Variants in ANO2 observed in about 807,000 individuals in gnomAD.
ANO2 encodes anoctamin 2.
In ANO2, 101 loss-of-function variants were observed where a neutral mutation model predicts 124.2. That is an observed-to-expected ratio of 0.81 (90% CI 0.69 to 0.96). The LOEUF (loss-of-function observed/expected upper bound fraction) is 0.96. Among genes scored for constraint, ANO2 ranks in the 40% least tolerant of loss-of-function variants. ANO2 has a pLI of 0.00. For synonymous variants in ANO2, 486 were observed against 482.5 expected, an observed-to-expected ratio of 1.01 and a Z score of -0.09; for missense variants, 1,293 against 1,274.5, an observed-to-expected ratio of 1.01 and a Z score of -0.22.
chr12:5,863,823 A>G (rs541322496), intron 3 of ANO2, among the ~76,000 whole-genome samples: 48 of 152,290 alleles, frequency 3.2e-4, no homozygotes, highest in African/African-American at 1.1e-3. Flanking sequence ...ATTTTTAATT[A>G]TAATGTTTTA....
At chr12:5,877,216 A>C (rs1938167396) in intron 3 of ANO2, among the ~76,000 whole-genome samples, 3 of 152,302 alleles carry the variant, frequency 2.0e-5, no homozygotes, top group African/African-American at 7.2e-5. Context: ...AGTAGAGGAA[A>C]GGATACACAG....
chr12:5,851,608 C>T (rs1182002967), intron 4 of ANO2, among the ~76,000 whole-genome samples: 1 of 150,908 alleles, frequency 6.6e-6, no homozygotes, highest in Non-Finnish European at 1.5e-5. Context: ...TTGCTTGAAC[C>T]TGGGGGACGG....
intron 9 of ANO2, among the ~76,000 whole-genome samples, chr12:5,799,856 C>T (rs1447277634): frequency 1.3e-5 from 2 of 152,172 alleles, no homozygotes; most frequent in Admixed American, 6.5e-5. Flanking sequence ...CAAAATGAGC[C>T]CTAATGTTCA....
chr12:5,784,903 T>C (rs1275170092), intron 10 of ANO2, among the ~76,000 whole-genome samples: 1 of 152,210 alleles, frequency 6.6e-6, no homozygotes, highest in Non-Finnish European at 1.5e-5. Context: ...AGTTTGCTCA[T>C]TGCTTGAAGT....
chr12:5,742,564 T>C (rs540177276), intron 12 of ANO2, among the ~76,000 whole-genome samples: 5 of 152,128 alleles, frequency 3.3e-5, no homozygotes, highest in Non-Finnish European at 5.9e-5. Context: ...GAGGCAGTTG[T>C]TGAAACTTGA....
chr12:5,716,226 G>A (rs974587032), intron 14 of ANO2, among the ~76,000 whole-genome samples: 1 of 152,126 alleles, frequency 6.6e-6, no homozygotes, highest in Non-Finnish European at 1.5e-5. Flanking sequence ...ATGGTCTAGG[G>A]GGCAGGTGAT....
intron 10 of ANO2, among the ~76,000 whole-genome samples, chr12:5,796,971 G>A (rs772720120): frequency 5.9e-5 from 9 of 152,200 alleles, no homozygotes; most frequent in Non-Finnish European, 1.0e-4. Context: ...CAGAAGCTTG[G>A]CGCTAAAAAT....
chr12:5,751,022 T>G, intron 10 of ANO2, 52 bp from the exon 11 acceptor site: 1 of 1,502,464 alleles, frequency 6.7e-7, no homozygotes, highest in Non-Finnish European at 9.0e-7. Flanking sequence ...ATCATATACT[T>G]TCCTTATTTC....
chr12:5,616,834 A>C (rs1259959075), intron 16 of ANO2, among the ~76,000 whole-genome samples: 1 of 152,072 alleles, frequency 6.6e-6, no homozygotes, highest in Non-Finnish European at 1.5e-5. Flanking sequence ...TCCAGATCAG[A>C]CTGTACAACA....
At chr12:5,607,594 CAGCAGCAGGTG>C (rs966645843) in intron 19 of ANO2, among the ~76,000 whole-genome samples, 3 of 152,162 alleles carry the variant, frequency 2.0e-5, no homozygotes, top group Non-Finnish European at 2.9e-5. Context: ...CCGGGCCACA[CAGCAGCAGGTG>C]AGCAGCAGGT....
In ANO2 at chr12:5,732,852, A is replaced by G. The variant is rs139266610; in HGVS notation, c.1435-222T>C. The G allele has an allele frequency of 1.0e-4, 168 of 1,613,964 alleles. 1 individual carries two copies. The East Asian group carries it at 3.2e-3, about 31-fold the overall frequency. ...AGGGACACACAACACTCGTTATCAC[A>G]CTGAAAACCAAACCTGGGCACGTTC... On this transcript the variant is annotated intron_variant, in intron 13 of 24. Transcript: ENST00000682330.
intron 3 of ANO2, among the ~76,000 whole-genome samples, chr12:5,897,905 C>A (rs12297684): frequency 0.11 from 16,403 of 151,706 alleles, 2,025 homozygotes; most frequent in African/African-American, 0.3. Flanking sequence ...AATAAAATGA[C>A]GTAAAATAAA....
chr12:5,827,844 T>C (rs1429884041), intron 6 of ANO2, 24 bp from the exon 7 acceptor site: 2 of 1,603,402 alleles, frequency 1.2e-6, no homozygotes, highest in Middle Eastern at 1.6e-4. Context: ...ACAGCAGAGC[T>C]GTGAGCTCCT....
At chr12:5,844,029 G>A (rs1954606744) in intron 4 of ANO2, among the ~76,000 whole-genome samples, 1 of 152,186 alleles carries the variant, frequency 6.6e-6, no homozygotes, top group Non-Finnish European at 1.5e-5. Context: ...TCCGGAAAAG[G>A]TAATATCAGC....
chr12:5,801,810 C>T (rs1953049732), intron 9 of ANO2, among the ~76,000 whole-genome samples: 1 of 152,196 alleles, frequency 6.6e-6, no homozygotes, highest in African/African-American at 2.4e-5. Flanking sequence ...CAGTGGCTAA[C>T]CTAATCTTAT....
rs945324447 is a variant in ANO2, at chr12:5,882,643, G to C, written c.535-28502C>G. Reference sequence around the variant, plus strand: ...CCAAGCTTTGGAGGAAACGTCAAAGGTGGGAGAGGCATCAGCTGGGGTGGT... The same window carrying C: ...CCAAGCTTTGGAGGAAACGTCAAAGCTGGGAGAGGCATCAGCTGGGGTGGT... On this transcript the variant is annotated intron_variant, in intron 3 of 24. Transcript: ENST00000682330. 3.9e-5 allele frequency among the ~76,000 whole-genome samples: 6 copies of C among 152,244 alleles called. No homozygotes were observed. The East Asian group carries it at 1.2e-3, about 29-fold the overall frequency.
At chr12:5,936,658 CTG>C (rs1942665306) in intron 1 of ANO2, among the ~76,000 whole-genome samples, 1 of 152,206 alleles carries the variant, frequency 6.6e-6, no homozygotes, top group Non-Finnish European at 1.5e-5. Context: ...AGTGAGCAAA[CTG>C]AGACAGAATG....
intron 20 of ANO2, among the ~76,000 whole-genome samples, chr12:5,596,630 T>C (rs569152577): frequency 3.3e-5 from 5 of 152,212 alleles, no homozygotes; most frequent in South Asian, 4.1e-4. Flanking sequence ...GTAAATCTTC[T>C]AGTTCTTTAC....
chr12:5,739,408 GAAC>G lies in ANO2; in HGVS notation c.1352-12_1352-10del, dbSNP rs562409053. 10 of 1,581,202 alleles carry G rather than the reference GAAC, an allele frequency of 6.3e-6. No individual in the cohort carries two copies. Among genetic ancestry groups the G allele is most frequent in the South Asian group, 2.3e-5 (2 of 86,060 alleles). On this transcript the variant is annotated splice_polypyrimidine_tract_variant and intron_variant, in intron 12 of 24. Coordinates refer to ENST00000682330, the MANE Select transcript of ANO2 (RefSeq NM_001364791.2). Reference sequence around the variant, plus strand: ...TTCCAGGAACATGGTAGCTTAAAAAGAACAACAAGAACAAAAACCTTGATTATT... The same window carrying G: ...TTCCAGGAACATGGTAGCTTAAAAAGAACAAGAACAAAAACCTTGATTATT...
Sources: allele counts gnomAD v4.1 joint callset (sites outside exome capture counted in the v4.1 genomes callset), GRCh38; gene constraint gnomAD v4.1.1; transcripts MANE v1.5; gene names NCBI Gene and HGNC (gene_info 2026-07-23, HGNC 2026-07-21).